Variants in DLG2 observed in about 807,000 individuals in gnomAD.
DLG2 encodes disks large homolog 2.
DLG2 carries 45 observed loss-of-function variants against 132.5 expected under a neutral mutation model. The ratio of observed to expected loss-of-function variants is 0.34; its 90% CI spans 0.27 to 0.44. The LOEUF (loss-of-function observed/expected upper bound fraction) is 0.44. Ranked by LOEUF, DLG2 falls within the 20% of genes least tolerant of loss-of-function variation. DLG2 has a pLI of 1.00. For synonymous variants in DLG2, 424 were observed against 419.6 expected (o/e 1.01, Z -0.13); for missense variants, 1,045 against 1,196.9 (o/e 0.87, Z 1.87).
intron 17 of DLG2, among the ~76,000 whole-genome samples, chr11:83,827,007 T>A (rs1208071607): frequency 6.7e-6 from 1 of 150,304 alleles, no homozygotes; most frequent in Non-Finnish European, 1.5e-5. Flanking sequence ...GGAGAGAGAG[T>A]TTCTTAGGCA....
At chr11:84,535,729 G>A (rs2099353819) in intron 6 of DLG2, among the ~76,000 whole-genome samples, 1 of 152,004 alleles carries the variant, frequency 6.6e-6, no homozygotes, top group Non-Finnish European at 1.5e-5. Flanking sequence ...CAAGGCTGTT[G>A]TCCTACCTGG....
At position 85,288,745 on chromosome 11, in the gene DLG2, C is replaced by T. The variant is rs139952848; in HGVS notation, c.41-3380G>A. On this transcript the variant is annotated intron_variant, in intron 3 of 27. Transcript: ENST00000376104. ...CAGCTACAGTCTCTTAAAAGAATAA[C>T]GACTTGTAATGAATAAAACAATTTT... Among the ~76,000 whole-genome samples, 330 of 152,156 alleles carry T rather than the reference C, an allele frequency of 2.2e-3. 1 individual carries two copies. Among genetic ancestry groups the T allele is most frequent in the African/African-American group, 7.4e-3 (307 of 41,554 alleles).
chr11:84,252,452 T>C (rs970795549), intron 7 of DLG2, among the ~76,000 whole-genome samples: 1 of 152,164 alleles, frequency 6.6e-6, no homozygotes, highest in South Asian at 2.1e-4. Flanking sequence ...TTATTATTTA[T>C]GCACCTCTAA....
At chr11:84,567,381 A>G (rs1322103632) in intron 6 of DLG2, among the ~76,000 whole-genome samples, 1 of 152,192 alleles carries the variant, frequency 6.6e-6, no homozygotes, top group African/African-American at 2.4e-5. Flanking sequence ...AAGAAGTTAT[A>G]TTGCTTAACC....
In DLG2 at chr11:84,367,473, G is replaced by A. The variant is rs575790757; in HGVS notation, c.520-116182C>T. 2.4e-3 allele frequency among the ~76,000 whole-genome samples: 362 copies of A among 152,206 alleles called. 4 individuals carry two copies. Among genetic ancestry groups the A allele is most frequent in the South Asian group, 0.014 (66 of 4,822 alleles). On this transcript the variant is annotated intron_variant, in intron 7 of 27. Transcript: ENST00000376104. ...AAGCAGGATGATTGTTTGAAGTCTC[G>A]ACGGCTGTGTGCTAGGGTTTGAATA...
At chr11:84,021,039 G>A (rs2095375204) in intron 11 of DLG2, among the ~76,000 whole-genome samples, 1 of 152,112 alleles carries the variant, frequency 6.6e-6, no homozygotes, top group African/African-American at 2.4e-5. Context: ...GGTATAGAAA[G>A]TTACAGAAAC....
At chr11:84,833,491 T>C (rs1599213889) in intron 6 of DLG2, among the ~76,000 whole-genome samples, 1 of 151,694 alleles carries the variant, frequency 6.6e-6, no homozygotes, top group South Asian at 2.1e-4. Context: ...ACACATCCTA[T>C]AGAACTGTGA....
At chr11:84,817,925 T>G (rs2077243026) in intron 6 of DLG2, among the ~76,000 whole-genome samples, 1 of 152,006 alleles carries the variant, frequency 6.6e-6, no homozygotes, top group South Asian at 2.1e-4. Flanking sequence ...GAGAATATTT[T>G]CTTCTCTAAA....
At chr11:84,983,649 T>C (rs1316641891) in intron 6 of DLG2, among the ~76,000 whole-genome samples, 3 of 152,162 alleles carry the variant, frequency 2.0e-5, no homozygotes, top group Non-Finnish European at 4.4e-5. Flanking sequence ...CAAGAATTGC[T>C]GATTTTTCTG....
intron 7 of DLG2, among the ~76,000 whole-genome samples, chr11:84,461,425 G>A (rs2099079866): frequency 1.3e-5 from 2 of 150,916 alleles, no homozygotes; most frequent in South Asian, 4.2e-4. Context: ...CTTATGATTA[G>A]ATTAGTTGTA....
At chr11:85,544,548 T>C (rs2076178181) in intron 3 of DLG2, among the ~76,000 whole-genome samples, 1 of 152,224 alleles carries the variant, frequency 6.6e-6, no homozygotes. Context: ...GGTAGCTTGA[T>C]AGGGAGAGCA....
At chr11:83,978,599 A>C (rs1022386326) in intron 12 of DLG2, among the ~76,000 whole-genome samples, 1 of 152,090 alleles carries the variant, frequency 6.6e-6, no homozygotes, top group African/African-American at 2.4e-5. Flanking sequence ...AAAATTCAGA[A>C]TTGCTTGAGA....
At chr11:84,154,615 A>G (rs553065744) in intron 9 of DLG2, among the ~76,000 whole-genome samples, 1 of 152,182 alleles carries the variant, frequency 6.6e-6, no homozygotes, top group East Asian at 1.9e-4. Flanking sequence ...CGTCATTTAC[A>G]TTAGGTATAT....
rs529226383 is a variant in DLG2 at position 83,518,163 on chromosome 11, C to T, written c.2193+14545G>A. ...GCAGGCCTCCTTGAGCTGTGGTGGG[C>T]TCCACCCAGTTTGAGCTTCCCAGCT... On this transcript the variant is annotated intron_variant, in intron 21 of 27. Transcript: ENST00000376104. Among the ~76,000 whole-genome samples the T allele has an allele frequency of 1.4e-4, 22 of 152,358 alleles. No homozygotes were observed. The South Asian group carries it at 4.6e-3, about 32-fold the overall frequency.
chr11:85,534,189 T>G (rs956671384), intron 3 of DLG2, among the ~76,000 whole-genome samples: 2 of 152,150 alleles, frequency 1.3e-5, no homozygotes, highest in Non-Finnish European at 1.5e-5. Context: ...ACTCACATGA[T>G]CCACCCACCT....
chr11:84,588,568 A>T (rs925787289), intron 6 of DLG2, among the ~76,000 whole-genome samples: 11 of 152,162 alleles, frequency 7.2e-5, no homozygotes, highest in Non-Finnish European at 1.3e-4. Flanking sequence ...CATTTGAACC[A>T]GAGCAGCTCC....
At chr11:84,129,061 A>G (rs1440501821) in intron 9 of DLG2, among the ~76,000 whole-genome samples, 1 of 152,164 alleles carries the variant, frequency 6.6e-6, no homozygotes, top group East Asian at 1.9e-4. Context: ...AATGGGTCAG[A>G]GGAAAAGTTG....
intron 11 of DLG2, among the ~76,000 whole-genome samples, chr11:84,036,094 G>T (rs1272964895): frequency 6.6e-6 from 1 of 152,082 alleles, no homozygotes; most frequent in South Asian, 2.1e-4. Context: ...GCATAGGGAT[G>T]GAACTTATGA....
chr11:84,787,160 G>A (rs2073043767), intron 6 of DLG2, among the ~76,000 whole-genome samples: 1 of 152,148 alleles, frequency 6.6e-6, no homozygotes, highest in South Asian at 2.1e-4. Context: ...CAGGAGTAGA[G>A]CCATGTCCTT....
Sources: gnomAD v4.1 joint callset for allele counts (sites outside exome capture counted in the v4.1 genomes callset) on GRCh38, gnomAD v4.1.1 for gene constraint, MANE v1.5 for transcripts, NCBI Gene and HGNC (gene_info 2026-07-23, HGNC 2026-07-21) for gene names.